NME8: variants seen among roughly 807,000 people sequenced by gnomAD.
The protein encoded by NME8 is NME/NM23 family member 8.
In NME8, 72 loss-of-function variants were observed where a neutral mutation model predicts 82.3. The ratio of observed to expected loss-of-function variants is 0.87; its 90% CI spans 0.72 to 1.06. The LOEUF (loss-of-function observed/expected upper bound fraction) is 1.06, where lower values mean the gene tolerates loss of function less well. NME8 is among the 50% of genes least tolerant of loss of function. The probability of loss-of-function intolerance (pLI) is 0.00; values close to 1 mark genes in which losing one functional copy is unlikely to be tolerated. For synonymous variants in NME8, 267 were observed against 228.5 expected (o/e 1.17, Z -1.52); for missense variants, 712 against 685.4 (o/e 1.04, Z -0.43).
chr7:37,848,977 G>C lies in NME8; in HGVS notation c.-87G>C, dbSNP rs1784400456. The C allele has an allele frequency of 6.6e-6, 1 of 152,300 alleles. No individual in the cohort carries two copies. Among genetic ancestry groups the C allele is most frequent in the Non-Finnish European group, 1.5e-5 (1 of 68,156 alleles). The allele number at this position is 152,300 out of a possible 1,614,324, so 9.4% of individuals were successfully genotyped here. A position where few individuals can be genotyped will look rare whatever the true frequency, so the allele number is the denominator to read the frequency against. On this transcript the variant is annotated 5_prime_UTR_variant, in exon 2 of 18. Coordinates refer to ENST00000199447, the MANE Select transcript of NME8 (RefSeq NM_016616.5). ...CACCGCTCAAACGGCCACAACGAGG[G>C]AGCCGATTTAGATCCTCTGGGCCTG...
At chr7:37,856,203 C>A (rs1176231918) in intron 5 of NME8, among the ~76,000 whole-genome samples, 1 of 152,164 alleles carries the variant, frequency 6.6e-6, no homozygotes, top group Non-Finnish European at 1.5e-5. Context: ...ATTACAAAAA[C>A]CAACTGTTAT....
At chr7:37,877,793 C>G (rs549846734) in intron 12 of NME8, among the ~76,000 whole-genome samples, 2 of 152,204 alleles carry the variant, frequency 1.3e-5, no homozygotes, top group South Asian at 4.2e-4. Context: ...TATCATACCC[C>G]CCTTCCCCTC....
At chr7:37,871,033 C>T (rs1784759388) in intron 11 of NME8, among the ~76,000 whole-genome samples, 1 of 152,170 alleles carries the variant, frequency 6.6e-6, no homozygotes, top group Non-Finnish European at 1.5e-5. Flanking sequence ...TTATTGCCCC[C>T]TCTCCCCTAT....
rs781723816 is a variant in NME8, at chr7:37,885,074, G to A, written c.1140-71G>A. 7.9e-4 allele frequency: 690 copies of A among 874,494 alleles called. 1 individual carries two copies. The highest frequency in any genetic ancestry group is 7.3e-4 in the Non-Finnish European group (383 of 521,716). The allele number at this position is 874,494 out of a possible 1,614,324, so 54.2% of individuals were successfully genotyped here. On this transcript the variant is annotated intron_variant, in intron 13 of 17. Transcript: ENST00000199447. ...TTGATCTATTTAACAATATGCATTT[G>A]TATTGCCTATACATAATTAGCTACT...
intron 15 of NME8, among the ~76,000 whole-genome samples, chr7:37,890,853 T>C (rs1476442990): frequency 6.6e-6 from 1 of 151,992 alleles, no homozygotes; most frequent in East Asian, 1.9e-4. Flanking sequence ...AATAGGTTGA[T>C]TTTATTTAGG....
At chr7:37,851,304 G>T (rs1232712438) in intron 5 of NME8, among the ~76,000 whole-genome samples, 1 of 152,204 alleles carries the variant, frequency 6.6e-6, no homozygotes, top group Non-Finnish European at 1.5e-5. Flanking sequence ...CTCTTGCAAT[G>T]TAGCTGGTCC....
intron 5 of NME8, among the ~76,000 whole-genome samples, chr7:37,854,246 T>C (rs191442446): frequency 2.2e-4 from 33 of 152,220 alleles, no homozygotes; most frequent in African/African-American, 7.7e-4. Context: ...TTAAGAAAAT[T>C]ATAAGGAAAA....
intron 6 of NME8, among the ~76,000 whole-genome samples, chr7:37,859,542 G>A (rs978894778): frequency 9.2e-5 from 14 of 152,144 alleles, no homozygotes; most frequent in African/African-American, 3.1e-4. Flanking sequence ...AGTATAGTTG[G>A]TGTTTGCTTT....
rs775698815 is a variant in NME8, at chr7:37,867,653, C to T, written c.622-49C>T. ...TTGGGTAGTGACCACCATTTTAGTC[C>T]ATCCATTTCAGGAGCCTGAAGGAAA... is the stretch of plus-strand genomic sequence containing the variant. On this transcript the variant is annotated intron_variant, in intron 10 of 17. Coordinates refer to ENST00000199447, the MANE Select transcript of NME8 (RefSeq NM_016616.5). 4 of 1,436,306 alleles carry T rather than the reference C, an allele frequency of 2.8e-6. No individual in the cohort carries two copies. The Admixed American group carries it at 5.1e-5, about 18-fold the overall frequency. 89.0% of individuals were successfully genotyped at this position (1,436,306 alleles called of 1,614,324 possible).
intron 12 of NME8, 47 bp from the exon 13 acceptor site, chr7:37,884,256 C>G: frequency 1.6e-6 from 2 of 1,254,612 alleles, no homozygotes; most frequent in Non-Finnish European, 2.3e-6. Context: ...TGTACATAAC[C>G]AGTAATCTAC....
chr7:37,860,715 G>A (rs978228425), intron 6 of NME8, among the ~76,000 whole-genome samples: 3 of 152,010 alleles, frequency 2.0e-5, no homozygotes, highest in Admixed American at 6.6e-5. Context: ...CTTTCCACTC[G>A]CAGCATTTCC....
At chr7:37,882,642 AG>A (rs1219310946) in intron 12 of NME8, among the ~76,000 whole-genome samples, 11 of 49,682 alleles carry the variant, frequency 2.2e-4, no homozygotes, top group African/African-American at 5.3e-4. Flanking sequence ...AAAGAAAGAA[AG>A]AGAAAGAAAG....
intron 11 of NME8, among the ~76,000 whole-genome samples, chr7:37,870,995 A>C (rs1175150123): frequency 2.0e-5 from 3 of 152,112 alleles, no homozygotes; most frequent in Admixed American, 2.0e-4. Context: ...TCTCATGCGT[A>C]ATTTATTCAG....
intron 15 of NME8, among the ~76,000 whole-genome samples, chr7:37,890,394 A>G (rs1426559544): frequency 6.6e-6 from 1 of 152,044 alleles, no homozygotes; most frequent in Non-Finnish European, 1.5e-5. Context: ...TAATCAAATC[A>G]GGGTATATAG....
intron 15 of NME8, among the ~76,000 whole-genome samples, chr7:37,892,142 G>A (rs1042495063): frequency 9.2e-5 from 14 of 151,648 alleles, no homozygotes; most frequent in African/African-American, 3.4e-4. Flanking sequence ...ATGGTGTTTT[G>A]CCAGAAGAAA....
chr7:37,871,258 A>G (rs1474800586), intron 11 of NME8, among the ~76,000 whole-genome samples: 1 of 152,160 alleles, frequency 6.6e-6, no homozygotes, highest in Non-Finnish European at 1.5e-5. Flanking sequence ...TCTCCATGCC[A>G]TCGATGGTCT....
At position 37,870,798 on chromosome 7, in the gene NME8, TC is replaced by T. The variant is rs757466351; in HGVS notation, c.818+2901del. Among the ~76,000 whole-genome samples the T allele has an allele frequency of 1.2e-4, 19 of 152,178 alleles. No homozygotes were observed. In the South Asian group the frequency reaches 3.5e-3, roughly 28 times the overall value. ...TTTTCTCCAACTAATATACTTTTTG[TC>T]TGTTGATGCCCGTTGGTTTTTCAGT... On this transcript the variant is annotated intron_variant, in intron 11 of 17. Coordinates refer to ENST00000199447, the MANE Select transcript of NME8 (RefSeq NM_016616.5).
At chr7:37,883,407 G>A (rs1370724420) in intron 12 of NME8, among the ~76,000 whole-genome samples, 2 of 152,152 alleles carry the variant, frequency 1.3e-5, no homozygotes, top group African/African-American at 4.8e-5. Context: ...TAGTTCTGAA[G>A]CAAATTATTT....
At chr7:37,895,892 A>C (rs543321763) in intron 16 of NME8, among the ~76,000 whole-genome samples, 67 of 152,332 alleles carry the variant, frequency 4.4e-4, no homozygotes, top group Middle Eastern at 6.8e-3. Flanking sequence ...TGAACCAGAT[A>C]GCCTAGGTGT....
Sources: allele counts gnomAD v4.1 joint callset (sites outside exome capture counted in the v4.1 genomes callset), GRCh38; gene constraint gnomAD v4.1.1; transcripts MANE v1.5; gene names NCBI Gene and HGNC (gene_info 2026-07-23, HGNC 2026-07-21).